BCHE: variants seen among roughly 807,000 people sequenced by gnomAD.
BCHE encodes cholinesterase.
Under a neutral mutation model 51.3 loss-of-function variants are expected in BCHE, and 48 were observed. The observed-to-expected ratio is 0.94, with a 90% CI of 0.74 to 1.19. BCHE has a LOEUF of 1.19. Ranked by LOEUF, BCHE falls within the 50% of genes most tolerant of loss-of-function variation. The pLI, the probability that BCHE is intolerant of heterozygous loss-of-function variation, is 0.00. For synonymous variants in BCHE, 251 were observed against 238.0 expected (o/e 1.05, Z -0.50); for missense variants, 847 against 708.2 (o/e 1.20, Z -2.23).
Position 165,830,893 on chromosome 3 carries a change from T to C in BCHE, c.141A>G (p.Thr47=), listed in dbSNP as rs1263121909. Residue 47 remains threonine, a synonymous_variant, in exon 2 of 4, where the codon ACA becomes ACG. Coordinates refer to ENST00000264381, the MANE Select transcript of BCHE (RefSeq NM_000055.4). The part of the protein sequence containing the change: ...KNGKVRGMNL[T]VFGGTVTAFL... ...AGGCTGTTACCGTGCCACCAAAAAC[T>C]GTCAAGTTCATCCCTCTGACTTTTC... The C allele has an allele frequency of 3.1e-6, 5 of 1,613,860 alleles. No individual in the cohort carries two copies. Among genetic ancestry groups the C allele is most frequent in the Admixed American group, 1.7e-5 (1 of 59,942 alleles).
At chr3:165,811,920 T>C (rs965519934) in intron 2 of BCHE, among the ~76,000 whole-genome samples, 5 of 151,994 alleles carry the variant, frequency 3.3e-5, no homozygotes, top group African/African-American at 1.2e-4. Context: ...TTTCAAAGCA[T>C]ATCTAGCCTT....
Position 165,829,594 on chromosome 3 carries a change from T to C in BCHE, c.1440A>G (p.Arg480=). ...CCTCGGCTTTTGTGTAATTATCTCTTCTTTCCAGAGGTAAACCAAAGACAA... is the reference window on the plus strand; with the variant it reads ...CCTCGGCTTTTGTGTAATTATCTCTCCTTTCCAGAGGTAAACCAAAGACAA... The part of the protein sequence containing the change: ...IEFVFGLPLE[R]RDNYTKAEEI... Residue 480 remains arginine, a synonymous_variant, in exon 2 of 4, where the codon AGA becomes AGG. Transcript: ENST00000264381. The C allele has an allele frequency of 6.2e-7, 1 of 1,613,842 alleles. No individual in the cohort carries two copies. Among genetic ancestry groups the C allele is most frequent in the East Asian group, 2.2e-5 (1 of 44,858 alleles).
At position 165,829,643 on chromosome 3, in the gene BCHE, A is replaced by C. The variant is rs761266167; in HGVS notation, c.1391T>G (p.Val464Gly). Residue 464 changes from valine (V) to glycine (G), a missense_variant, in exon 2 of 4, where the codon GTG (valine) becomes GGG (glycine). Coordinates refer to ENST00000264381, the MANE Select transcript of BCHE (RefSeq NM_000055.4). ...SKLPWPEWMG[V>G]MHGYEIEFVF... ...AAATTCAATTTCATAGCCATGCATC[A>C]CTCCCATCCATTCTGGCCACGGAAG... 4.3e-6 allele frequency: 7 copies of C among 1,613,574 alleles called. No homozygotes were observed. In the African/African-American group the frequency reaches 9.4e-5, roughly 22 times the overall value.
intron 3 of BCHE, chr3:165,778,586 G>T: frequency 2.8e-6 from 1 of 358,874 alleles, no homozygotes; most frequent in Non-Finnish European, 6.2e-6. Context: ...CCTTCACATT[G>T]AGATTCAGTG....
chr3:165,791,188 G>A (rs1235359086), intron 2 of BCHE, among the ~76,000 whole-genome samples: 2 of 151,756 alleles, frequency 1.3e-5, no homozygotes, highest in African/African-American at 4.8e-5. Flanking sequence ...CCAGCTACTC[G>A]GGAGGCTGAG....
chr3:165,836,388 A>T (rs1284237010), intron 1 of BCHE, among the ~76,000 whole-genome samples: 2 of 151,982 alleles, frequency 1.3e-5, no homozygotes, highest in Non-Finnish European at 2.9e-5. Context: ...TACACAGACT[A>T]GTGACAGGAG....
intron 1 of BCHE, among the ~76,000 whole-genome samples, chr3:165,832,137 T>G (rs1263964897): frequency 2.6e-5 from 4 of 152,146 alleles, no homozygotes; most frequent in South Asian, 4.1e-4. Context: ...GAAATAATAT[T>G]TAATGGATGA....
chr3:165,792,764 T>A (rs777558571), intron 2 of BCHE, among the ~76,000 whole-genome samples: 5 of 152,180 alleles, frequency 3.3e-5, no homozygotes, highest in African/African-American at 7.2e-5. Context: ...CTTTGAAAAA[T>A]TCATTAAACA....
At chr3:165,793,464 T>C (rs1320621501) in intron 2 of BCHE, among the ~76,000 whole-genome samples, 1 of 152,156 alleles carries the variant, frequency 6.6e-6, no homozygotes, top group Non-Finnish European at 1.5e-5. Flanking sequence ...TCATTCAAAC[T>C]ATCATTTGAT....
Position 165,829,793 on chromosome 3 carries a change from CG to C in BCHE, c.1240del (p.Arg414ValfsTer51), listed in dbSNP as rs1057517288. ...WVDDQRPENY[R>X]EALGDVVGDY... is the part of the protein sequence containing the mutation. ...CCCAACAACATCACCCAAGGCCTCA[CG>C]GTAGTTTTCAGGTCTCTGATCATCT... On this transcript the variant is annotated frameshift_variant, in exon 2 of 4. Coordinates refer to ENST00000264381, the MANE Select transcript of BCHE (RefSeq NM_000055.4). LOFTEE classifies it high-confidence loss of function. The C allele has an allele frequency of 1.2e-6, 2 of 1,613,714 alleles. No homozygotes were observed. Among genetic ancestry groups the C allele is most frequent in the Non-Finnish European group, 1.7e-6 (2 of 1,179,902 alleles).
At chr3:165,796,989 T>C (rs914374554) in intron 2 of BCHE, among the ~76,000 whole-genome samples, 1 of 152,096 alleles carries the variant, frequency 6.6e-6, no homozygotes, top group African/African-American at 2.4e-5. Flanking sequence ...AAGGTTTGCA[T>C]AATTAGCTGG....
chr3:165,778,862 C>G (rs1200810019), intron 3 of BCHE: 2 of 224,218 alleles, frequency 8.9e-6, no homozygotes, highest in African/African-American at 4.4e-5. Flanking sequence ...AGTTAACTGT[C>G]AACTACCTAG....
intron 3 of BCHE, among the ~76,000 whole-genome samples, 157 bp from the exon 4 acceptor site, chr3:165,773,663 GAA>G (rs1559998975): frequency 6.6e-6 from 1 of 151,882 alleles, no homozygotes; most frequent in Non-Finnish European, 1.5e-5. Flanking sequence ...CGCTTTGCCT[GAA>G]AAGAGATTTT....
intron 2 of BCHE, among the ~76,000 whole-genome samples, chr3:165,803,538 A>G (rs1389136094): frequency 1.3e-5 from 2 of 152,250 alleles, no homozygotes; most frequent in African/African-American, 4.8e-5. Flanking sequence ...TTCCCAGACT[A>G]TATTTCTTAC....
At chr3:165,821,737 G>T (rs899506256) in intron 2 of BCHE, among the ~76,000 whole-genome samples, 2 of 151,668 alleles carry the variant, frequency 1.3e-5, no homozygotes, top group African/African-American at 4.8e-5. Flanking sequence ...TGCAATTTCT[G>T]ATTATTACAA....
intron 2 of BCHE, among the ~76,000 whole-genome samples, chr3:165,802,927 G>A (rs1713722935): frequency 6.6e-6 from 1 of 152,030 alleles, no homozygotes; most frequent in Non-Finnish European, 1.5e-5. Flanking sequence ...ATTTTTAGTA[G>A]AGCCGGGGTT....
At chr3:165,775,412 T>G (rs1712428660) in intron 3 of BCHE, among the ~76,000 whole-genome samples, 1 of 151,810 alleles carries the variant, frequency 6.6e-6, no homozygotes, top group Admixed American at 6.6e-5. Flanking sequence ...CAAAAAAGAT[T>G]AGATGTGGAA....
In BCHE at chr3:165,830,176, A is replaced by G; in HGVS notation, c.858T>C (p.Thr286=). The G allele has an allele frequency of 6.2e-7, 1 of 1,613,978 alleles. No homozygotes were observed. Among genetic ancestry groups the G allele is most frequent in the Non-Finnish European group, 8.5e-7 (1 of 1,179,912 alleles). ...KLTGCSRENE[T]EIIKCLRNKD... ...TATTTCTAAGACACTTGATTATTTCAGTCTCATTCTCTCTAGAGCAACCAG... is the reference window on the plus strand; with the variant it reads ...TATTTCTAAGACACTTGATTATTTCGGTCTCATTCTCTCTAGAGCAACCAG... Residue 286 remains threonine, a synonymous_variant, in exon 2 of 4, where the codon ACT becomes ACC. Transcript: ENST00000264381.
chr3:165,820,081 T>C (rs1285395273), intron 2 of BCHE, among the ~76,000 whole-genome samples: 1 of 152,158 alleles, frequency 6.6e-6, no homozygotes, highest in African/African-American at 2.4e-5. Flanking sequence ...TTTTCCATGT[T>C]TTAATGAGCC....
Sources: allele counts gnomAD v4.1 joint callset (sites outside exome capture counted in the v4.1 genomes callset), GRCh38; gene constraint gnomAD v4.1.1; transcripts MANE v1.5; gene names NCBI Gene and HGNC (gene_info 2026-07-23, HGNC 2026-07-21).